DOP1B: variants seen among roughly 807,000 people sequenced by gnomAD.
DOP1B encodes DOP1 leucine zipper like protein B.
DOP1B carries 174 observed loss-of-function variants against 233.5 expected under a neutral mutation model. That is an observed-to-expected ratio of 0.75 (90% confidence interval 0.66 to 0.85). The LOEUF is 0.85. Among genes scored for constraint, DOP1B ranks in the 40% least tolerant of loss-of-function variants. The pLI is 0.00. For missense variants in DOP1B, 2,652 were observed against 2,846.6 expected, an observed-to-expected ratio of 0.93 and a Z score of 1.56; for synonymous variants, 1,190 against 1,185.6, an observed-to-expected ratio of 1.00 and a Z score of -0.08.
rs373878915 is a variant in DOP1B, at chr21:36,251,261, G to C, written c.5098G>C (p.Ala1700Pro). 2 of 1,613,398 alleles carry C rather than the reference G, an allele frequency of 1.2e-6. No homozygotes were observed. The highest frequency in any genetic ancestry group is 2.7e-5 in the African/African-American group (2 of 74,990). Residue 1700 changes from alanine to proline, a missense_variant, in exon 22 of 37, where the codon GCC becomes CCC. Ala to Pro is a conservative substitution (Grantham distance 27). Coordinates refer to ENST00000691173, the MANE Select transcript of DOP1B (RefSeq NM_001320714.2). ...TGCGGCAGTGTGGAGCAGAAAGAAAGCCCAGCGTCACAGTAAGATGAAGGT... is the reference window on the plus strand; with the variant it reads ...TGCGGCAGTGTGGAGCAGAAAGAAACCCCAGCGTCACAGTAAGATGAAGGT... Reference protein sequence around the residue: ...AVAAVWSRKKAQRHSKMKIIP... With the variant: ...AVAAVWSRKKPQRHSKMKIIP...
intron 11 of DOP1B, among the ~76,000 whole-genome samples, chr21:36,224,491 T>TAAA (rs760926570): frequency 7.0e-6 from 1 of 143,386 alleles, no homozygotes; most frequent in Admixed American, 7.1e-5. Context: ...TCCTGGTTAT[T>TAAA]AAAAAAAAAA....
In DOP1B at chr21:36,237,239, CGCCT is replaced by C; in HGVS notation, c.2623-18_2623-15del. The C allele has an allele frequency of 6.2e-7, 1 of 1,614,068 alleles. No homozygotes were observed. Among genetic ancestry groups the C allele is most frequent in the South Asian group, 1.1e-5 (1 of 91,082 alleles). ...TGCCTGTGTTGACCTGGTCCCCCACCGCCTGCCTTTTCCTTGTCCCAGAGGGTGG... is the reference window on the plus strand; with the variant it reads ...TGCCTGTGTTGACCTGGTCCCCCACCGCCTTTTCCTTGTCCCAGAGGGTGG... On this transcript the variant is annotated intron_variant, in intron 15 of 36. Coordinates refer to ENST00000691173, the MANE Select transcript of DOP1B (RefSeq NM_001320714.2).
intron 14 of DOP1B, among the ~76,000 whole-genome samples, 189 bp downstream of exon 14, chr21:36,231,323 A>T (rs149580730): frequency 6.6e-6 from 1 of 152,234 alleles, no homozygotes. Flanking sequence ...TCCAAAATCC[A>T]AGAGCTCCAG....
intron 9 of DOP1B, 47 bp downstream of exon 9, chr21:36,214,603 C>T: frequency 2.7e-6 from 4 of 1,508,820 alleles, no homozygotes; most frequent in Non-Finnish European, 3.6e-6. Flanking sequence ...TACAGATTAC[C>T]TGTTTTCAGG....
intron 2 of DOP1B, among the ~76,000 whole-genome samples, chr21:36,187,565 G>A (rs2066178760): frequency 6.6e-6 from 1 of 151,896 alleles, no homozygotes; most frequent in Admixed American, 6.6e-5. Context: ...CCAAAGTGCT[G>A]GGATTATAGG....
intron 1 of DOP1B, among the ~76,000 whole-genome samples, chr21:36,158,407 C>G (rs1245161390): frequency 6.6e-6 from 1 of 152,172 alleles, no homozygotes; most frequent in East Asian, 1.9e-4. Context: ...TCTGGTTCTG[C>G]TAGCTGCTGG....
intron 2 of DOP1B, among the ~76,000 whole-genome samples, chr21:36,172,633 A>G (rs2123409593): frequency 6.6e-6 from 1 of 152,242 alleles, no homozygotes; most frequent in African/African-American, 2.4e-5. Context: ...ATGGTGGTGC[A>G]CACCTGTAGT....
Position 36,291,404 on chromosome 21 carries a change from C to T in DOP1B, c.6516-700C>T, listed in dbSNP as rs190201552. ...TGAAACCCCGTCTCTACTAAAAATA[C>T]AAAAAAATTAGTCAGGCATGGTGGC... On this transcript the variant is annotated intron_variant, in intron 35 of 36. Transcript: ENST00000691173. Among the ~76,000 whole-genome samples, 1,172 of 151,726 alleles carry T rather than the reference C, an allele frequency of 7.7e-3. 4 individuals are homozygous for T. Among genetic ancestry groups the T allele is most frequent in the Middle Eastern group, 0.028 (8 of 288 alleles).
chr21:36,242,243 A>G (rs1170225249), intron 18 of DOP1B, among the ~76,000 whole-genome samples: 1 of 151,200 alleles, frequency 6.6e-6, no homozygotes, highest in African/African-American at 2.4e-5. Context: ...TGTGATCCCA[A>G]GTCACTGCAG....
At chr21:36,260,262 GGAAGGAAAGAAAGAAAGAAA>G (rs2067154474) in intron 23 of DOP1B, among the ~76,000 whole-genome samples, 1 of 116,764 alleles carries the variant, frequency 8.6e-6, no homozygotes, top group African/African-American at 3.4e-5. Context: ...GAGGAAGGAA[GGAAGGAAAGAAAGAAAGAAA>G]GAAAGAAAGA....
intron 4 of DOP1B, among the ~76,000 whole-genome samples, chr21:36,203,893 T>A (rs1288107116): frequency 2.6e-5 from 4 of 151,300 alleles, no homozygotes; most frequent in Non-Finnish European, 5.9e-5. Context: ...TTTTTTTAAG[T>A]GCCCATGAAA....
chr21:36,169,593 C>T (rs2065951837), intron 2 of DOP1B: 1 of 1,009,820 alleles, frequency 9.9e-7, no homozygotes, highest in African/African-American at 1.6e-5. Context: ...CCCTCCTGGG[C>T]TCAGTCCAGC....
intron 2 of DOP1B, among the ~76,000 whole-genome samples, chr21:36,174,179 A>G (rs771409348): frequency 6.6e-6 from 1 of 152,218 alleles, no homozygotes; most frequent in Non-Finnish European, 1.5e-5. Flanking sequence ...CGGCTGCAAG[A>G]ACTCTTTACC....
At chr21:36,265,521 G>T (rs1164934880) in intron 26 of DOP1B, among the ~76,000 whole-genome samples, 2 of 152,224 alleles carry the variant, frequency 1.3e-5, no homozygotes, top group African/African-American at 4.8e-5. Flanking sequence ...GCACGTCCAG[G>T]TGCTGGGATA....
chr21:36,280,894 C>T (rs902255689), intron 31 of DOP1B, among the ~76,000 whole-genome samples: 1 of 151,730 alleles, frequency 6.6e-6, no homozygotes, highest in South Asian at 2.1e-4. Flanking sequence ...CCCAGCTACT[C>T]GGGAGGCTGA....
chr21:36,277,385 C>T (rs1406043286), intron 28 of DOP1B, among the ~76,000 whole-genome samples: 5 of 151,976 alleles, frequency 3.3e-5, no homozygotes, highest in African/African-American at 7.3e-5. Context: ...CGGGTTCAAG[C>T]GATTCCGCTG....
chr21:36,276,114 G>A (rs1470187970), intron 27 of DOP1B, among the ~76,000 whole-genome samples: 1 of 152,146 alleles, frequency 6.6e-6, no homozygotes, highest in African/African-American at 2.4e-5. Flanking sequence ...AGGCTGGGAT[G>A]TAGGAGGGAG....
Position 36,289,103 on chromosome 21 carries a change from G to A in DOP1B, c.6412G>A (p.Val2138Met). ...AGTCCCGGATGCAAATGGACCCTCA[G>A]TGGGGGAGATACCCCAGAGTGAACT... ...VSVPDANGPSVGEIPQSELIL... is the reference protein window; with the variant it reads ...VSVPDANGPSMGEIPQSELIL... Residue 2138 changes from valine to methionine, a missense_variant, in exon 35 of 37, where the codon GTG becomes ATG. Around this residue, in one of 3 missense-constraint regions of DOP1B, gnomAD observed 2,617 missense variants for 2,794.3 expected, o/e 0.94. Coordinates refer to ENST00000691173, the MANE Select transcript of DOP1B (RefSeq NM_001320714.2). 6.2e-7 allele frequency: 1 copy of A among 1,614,088 alleles called. No homozygotes were observed. Among genetic ancestry groups the A allele is most frequent in the South Asian group, 1.1e-5 (1 of 91,034 alleles).
At chr21:36,287,060 A>G (rs567229152) in intron 32 of DOP1B, among the ~76,000 whole-genome samples, 4 of 152,242 alleles carry the variant, frequency 2.6e-5, no homozygotes, top group African/African-American at 7.2e-5. Flanking sequence ...TGCTGTAGCA[A>G]TTTGTTACAT....
Sources: gnomAD v4.1 joint callset for allele counts (sites outside exome capture counted in the v4.1 genomes callset) on GRCh38, gnomAD v4.1.1 for gene constraint, gnomAD v4.1.1 regional missense constraint, MANE v1.5 for transcripts, NCBI Gene and HGNC (gene_info 2026-07-23, HGNC 2026-07-21) for gene names.